The following NALF1 variants were observed in gnomAD, a reference collection of about 807,000 sequenced individuals.
NALF1 encodes the protein NALCN channel auxiliary factor 1.
In NALF1, 3 loss-of-function variants were observed where a neutral mutation model predicts 48.4. The ratio of observed to expected loss-of-function variants is 0.06; its 90% CI spans 0.03 to 0.16. The LOEUF (loss-of-function observed/expected upper bound fraction) is 0.16, where lower values mean the gene tolerates loss of function less well. Ranked by LOEUF, NALF1 falls within the 10% of genes least tolerant of loss-of-function variation. The probability of loss-of-function intolerance (pLI) is 1.00; values close to 1 mark genes in which losing one functional copy is unlikely to be tolerated. For synonymous variants in NALF1, 262 were observed against 245.7 expected, an observed-to-expected ratio of 1.07 and a Z score of -0.62; for missense variants, 526 against 571.5, an observed-to-expected ratio of 0.92 and a Z score of 0.81.
At chr13:107,756,657 T>C (rs2138557433) in intron 1 of NALF1, among the ~76,000 whole-genome samples, 1 of 152,210 alleles carries the variant, frequency 6.6e-6, no homozygotes, top group South Asian at 2.1e-4. Context: ...AAATGATCGC[T>C]TATGGCCCCC....
intron 1 of NALF1, among the ~76,000 whole-genome samples, chr13:107,630,868 G>A (rs1879817012): frequency 6.6e-6 from 1 of 152,150 alleles, no homozygotes; most frequent in South Asian, 2.1e-4. Context: ...GCTGCGGACA[G>A]CTACCTAGGT....
chr13:107,275,088 T>C (rs1881253015), intron 1 of NALF1, among the ~76,000 whole-genome samples: 1 of 152,206 alleles, frequency 6.6e-6, no homozygotes, highest in Non-Finnish European at 1.5e-5. Context: ...AGATGATACG[T>C]ATAAGACATG....
chr13:107,293,467 C>T (rs1881668633), intron 1 of NALF1, among the ~76,000 whole-genome samples: 1 of 152,148 alleles, frequency 6.6e-6, no homozygotes, highest in African/African-American at 2.4e-5. Context: ...GAAAACTTTC[C>T]TGTGAATCTC....
chr13:107,600,058 G>T (rs2138423900), intron 1 of NALF1, among the ~76,000 whole-genome samples: 1 of 152,236 alleles, frequency 6.6e-6, no homozygotes, highest in East Asian at 1.9e-4. Context: ...TTCATCTGGT[G>T]GTTAATTATA....
At position 107,866,065 on chromosome 13, in the gene NALF1, A is replaced by T; in HGVS notation, c.532T>A (p.Ser178Thr). ...TTCTCCACCGTGAAGCACTGGCCCGAGGACGCGCCCTGGGGGTAACAAGTC... is the reference window on the plus strand; with the variant it reads ...TTCTCCACCGTGAAGCACTGGCCCGTGGACGCGCCCTGGGGGTAACAAGTC... Reference protein sequence around the residue: ...LETCYPQGASSGQCFTVENAD... With the variant: ...LETCYPQGASTGQCFTVENAD... Residue 178 changes from serine to threonine, a missense_variant, in exon 1 of 3, where the codon TCG becomes ACG. Transcript: ENST00000375915. The surrounding 1 kb of genome is among the most constrained non-coding windows in gnomAD (Gnocchi z 4.4). The T allele has an allele frequency of 6.2e-7, 1 of 1,612,600 alleles. No homozygotes were observed. Among genetic ancestry groups the T allele is most frequent in the Non-Finnish European group, 8.5e-7 (1 of 1,179,884 alleles).
intron 1 of NALF1, among the ~76,000 whole-genome samples, chr13:107,227,821 C>A (rs888536961): frequency 6.6e-6 from 1 of 152,024 alleles, no homozygotes; most frequent in African/African-American, 2.4e-5. Flanking sequence ...AGTTAGTAAC[C>A]GAATCTCATA....
At chr13:107,644,565 AT>A (rs1401738349) in intron 1 of NALF1, among the ~76,000 whole-genome samples, 3 of 150,572 alleles carry the variant, frequency 2.0e-5, no homozygotes, top group Non-Finnish European at 3.0e-5. Flanking sequence ...CTTCTAGTTA[AT>A]TTTAGCATCA....
chr13:107,431,098 C>A (rs1884373750), intron 1 of NALF1, among the ~76,000 whole-genome samples: 1 of 152,238 alleles, frequency 6.6e-6, no homozygotes, highest in East Asian at 1.9e-4. Context: ...CAAATGTCTT[C>A]TTTTGAGAAG....
intron 1 of NALF1, among the ~76,000 whole-genome samples, chr13:107,342,708 A>C (rs542518202): frequency 6.6e-6 from 1 of 152,196 alleles, no homozygotes. Context: ...AAAATGTTTT[A>C]TGTTAGCCCC....
At chr13:107,356,435 T>C (rs562509135) in intron 1 of NALF1, among the ~76,000 whole-genome samples, 1 of 152,298 alleles carries the variant, frequency 6.6e-6, no homozygotes, top group South Asian at 2.1e-4. Flanking sequence ...GCTTAGATGC[T>C]TTTCGATTAC....
rs184679755 is a variant in NALF1 at position 107,407,329 on chromosome 13, T to A, written c.916-196574A>T. On this transcript the variant is annotated intron_variant, in intron 1 of 2. Transcript: ENST00000375915. ...CACAGTGAAGAGACAATCCACAGAA[T>A]GGAAGGAAATATTTGCAAACTACCC... Among the ~76,000 whole-genome samples, 66 of 152,080 alleles carry A rather than the reference T, an allele frequency of 4.3e-4. No homozygotes were observed. The East Asian group carries it at 0.012, about 29-fold the overall frequency.
At chr13:107,674,808 T>C (rs1881073285) in intron 1 of NALF1, among the ~76,000 whole-genome samples, 1 of 152,150 alleles carries the variant, frequency 6.6e-6, no homozygotes. Context: ...CAGGGAAAAG[T>C]CCAGGGTGGC....
chr13:107,828,277 T>G (rs1294812720), intron 1 of NALF1, among the ~76,000 whole-genome samples: 1 of 152,162 alleles, frequency 6.6e-6, no homozygotes, highest in East Asian at 1.9e-4. Context: ...CTGGCCCATA[T>G]CCACGTTACT....
intron 1 of NALF1, among the ~76,000 whole-genome samples, chr13:107,591,752 G>A (rs1408657867): frequency 6.6e-6 from 1 of 151,982 alleles, no homozygotes; most frequent in Admixed American, 6.6e-5. Context: ...TTTCAAACGC[G>A]AAGATATATT....
At chr13:107,183,908 A>G (rs1304836786) in intron 2 of NALF1, among the ~76,000 whole-genome samples, 1 of 152,064 alleles carries the variant, frequency 6.6e-6, no homozygotes, top group Non-Finnish European at 1.5e-5. Flanking sequence ...CGTTTTTCCA[A>G]CAAATTTTTC....
intron 1 of NALF1, among the ~76,000 whole-genome samples, chr13:107,748,460 T>G (rs1304844677): frequency 6.6e-6 from 1 of 152,228 alleles, no homozygotes; most frequent in African/African-American, 2.4e-5. Context: ...TTTTGCTACA[T>G]GTATAGTATT....
intron 1 of NALF1, among the ~76,000 whole-genome samples, chr13:107,797,449 T>A (rs1253945636): frequency 6.6e-6 from 1 of 152,168 alleles, no homozygotes; most frequent in Non-Finnish European, 1.5e-5. Flanking sequence ...GACCTCATGA[T>A]CCGCCTGCTT....
At chr13:107,490,971 G>T (rs988043460) in intron 1 of NALF1, among the ~76,000 whole-genome samples, 1 of 152,078 alleles carries the variant, frequency 6.6e-6, no homozygotes, top group Non-Finnish European at 1.5e-5. Context: ...AAATTAAGCC[G>T]TGTATCTTCC....
chr13:107,504,434 C>A (rs1329870650), intron 1 of NALF1, among the ~76,000 whole-genome samples: 1 of 151,990 alleles, frequency 6.6e-6, no homozygotes, highest in Non-Finnish European at 1.5e-5. Context: ...CCGCTCTTGT[C>A]ACAAAAAGTA....
Sources: gnomAD v4.1 joint callset for allele counts (sites outside exome capture counted in the v4.1 genomes callset) on GRCh38, gnomAD v4.1.1 for gene constraint, Gnocchi (gnomAD v3.1) non-coding constraint, MANE v1.5 for transcripts, NCBI Gene and HGNC (gene_info 2026-07-23, HGNC 2026-07-21) for gene names.